The following BMAL2 variants were observed in gnomAD, a reference collection of about 807,000 sequenced individuals.
BMAL2 encodes basic helix-loop-helix ARNT-like protein 2.
the BMAL2 span, among the ~76,000 whole-genome samples, chr12:27,374,717 A>C: frequency 1.3e-5 from 2 of 152,182 alleles, no homozygotes; most frequent in Admixed American, 1.3e-4. Flanking sequence ...TGGTGAGAGA[A>C]ATGGCCAGGT....
At chr12:27,395,771 G>A in the BMAL2 span, among the ~76,000 whole-genome samples, 2 of 152,154 alleles carry the variant, frequency 1.3e-5, no homozygotes, top group South Asian at 2.1e-4. Context: ...GAGTTAATTC[G>A]TAGTTGAATT....
the BMAL2 span, among the ~76,000 whole-genome samples, chr12:27,341,467 A>G: frequency 6.6e-6 from 1 of 152,216 alleles, no homozygotes. Flanking sequence ...GATAAAGCCT[A>G]TTTGATCATG....
the BMAL2 span, among the ~76,000 whole-genome samples, chr12:27,405,925 G>T: frequency 6.6e-6 from 1 of 152,176 alleles, no homozygotes; most frequent in African/African-American, 2.4e-5. Context: ...GAAAACAACG[G>T]CATGAGAACT....
the BMAL2 span, among the ~76,000 whole-genome samples, chr12:27,374,995 T>C: frequency 1.3e-5 from 2 of 152,214 alleles, no homozygotes; most frequent in East Asian, 3.8e-4. Flanking sequence ...ATTTGGAATA[T>C]TTATAAGCAT....
At chr12:27,414,087 AAAG>A in the BMAL2 span, among the ~76,000 whole-genome samples, 1 of 152,226 alleles carries the variant, frequency 6.6e-6, no homozygotes, top group South Asian at 2.1e-4. Context: ...GTCATGAGAC[AAAG>A]AAGATCATTA....
chr12:27,386,390 T>C, the BMAL2 span, among the ~76,000 whole-genome samples: 1 of 152,208 alleles, frequency 6.6e-6, no homozygotes, highest in Non-Finnish European at 1.5e-5. Flanking sequence ...ATGTGCCATA[T>C]GTACCCGCTT....
the BMAL2 span, among the ~76,000 whole-genome samples, chr12:27,407,378 A>G: frequency 2.0e-5 from 3 of 152,242 alleles, no homozygotes; most frequent in Non-Finnish European, 2.9e-5. Flanking sequence ...AAGAACAGAA[A>G]TTATAACAAA....
At chr12:27,339,974 T>C in the BMAL2 span, among the ~76,000 whole-genome samples, 4 of 152,208 alleles carry the variant, frequency 2.6e-5, no homozygotes, top group Non-Finnish European at 4.4e-5. Context: ...AAATTTAAGT[T>C]TCTGATAGAT....
At chr12:27,397,078 A>G in the BMAL2 span, among the ~76,000 whole-genome samples, 6,705 of 140,936 alleles carry the variant, frequency 0.048, 363 homozygotes, top group African/African-American at 0.15. Flanking sequence ...TTGTTTGTTT[A>G]TTTATTTATT....
At chr12:27,411,208 G>A in the BMAL2 span, among the ~76,000 whole-genome samples, 2 of 152,040 alleles carry the variant, frequency 1.3e-5, no homozygotes, top group Non-Finnish European at 2.9e-5. Context: ...GCTCACTGCA[G>A]CCTGGACAAC....
chr12:27,402,066 G>A, the BMAL2 span, among the ~76,000 whole-genome samples: 2 of 152,182 alleles, frequency 1.3e-5, no homozygotes, highest in African/African-American at 4.8e-5. Context: ...CGCCATGTCT[G>A]TGTAGGCATG....
the BMAL2 span, chr12:27,368,255 C>T: frequency 1.1e-5 from 18 of 1,613,900 alleles, no homozygotes; most frequent in Non-Finnish European, 1.5e-5. Flanking sequence ...TACTCTGCTG[C>T]CCATAGGTAA....
At chr12:27,372,456 A>G in the BMAL2 span, among the ~76,000 whole-genome samples, 1 of 152,174 alleles carries the variant, frequency 6.6e-6, no homozygotes, top group Non-Finnish European at 1.5e-5. Flanking sequence ...GAGTAATGCT[A>G]CTATGAACAT....
At chr12:27,411,897 T>G in the BMAL2 span, among the ~76,000 whole-genome samples, 1 of 152,208 alleles carries the variant, frequency 6.6e-6, no homozygotes, top group Non-Finnish European at 1.5e-5. Context: ...GTGTTTTTGG[T>G]GTCATACCAA....
chr12:27,371,539 G>A, the BMAL2 span, among the ~76,000 whole-genome samples: 1 of 152,188 alleles, frequency 6.6e-6, no homozygotes, highest in East Asian at 1.9e-4. Context: ...TGAGAGTTGA[G>A]GGATAAACAC....
the BMAL2 span, chr12:27,332,942 G>A: frequency 2.7e-5 from 17 of 631,652 alleles, 1 homozygote; most frequent in East Asian, 9.0e-4. Flanking sequence ...CGGCCGCCGC[G>A]GCACCCGGCA....
chr12:27,410,958 CTG>C, the BMAL2 span, among the ~76,000 whole-genome samples: 1 of 151,968 alleles, frequency 6.6e-6, no homozygotes, highest in Non-Finnish European at 1.5e-5. Context: ...AAATTATAAA[CTG>C]TGGAAAATGT....
the BMAL2 span, among the ~76,000 whole-genome samples, chr12:27,358,532 T>C: frequency 6.6e-6 from 1 of 152,310 alleles, no homozygotes; most frequent in South Asian, 2.1e-4. Flanking sequence ...TCATTTTAAA[T>C]GATGGCATAG....
At chr12:27,386,174 T>C in the BMAL2 span, among the ~76,000 whole-genome samples, 1 of 152,248 alleles carries the variant, frequency 6.6e-6, no homozygotes, top group Non-Finnish European at 1.5e-5. Flanking sequence ...GCCACTCTTT[T>C]ATTTGAACAG....
Sources: gnomAD v4.1 joint callset for allele counts (sites outside exome capture counted in the v4.1 genomes callset) on GRCh38, gnomAD v4.1.1 for gene constraint, MANE v1.5 for transcripts, NCBI Gene and HGNC (gene_info 2026-07-23, HGNC 2026-07-21) for gene names.